The following NR2C1 variants were observed in gnomAD, a reference collection of about 807,000 sequenced individuals.
NR2C1 encodes the protein TR2 nuclear hormone receptor.
In NR2C1, 33 loss-of-function variants were observed where a neutral mutation model predicts 74.8. The observed-to-expected ratio is 0.44, with a 90% CI of 0.33 to 0.59. The LOEUF (loss-of-function observed/expected upper bound fraction) is 0.59. Among genes scored for constraint, NR2C1 ranks in the 20% least tolerant of loss-of-function variants. NR2C1 has a pLI of 0.02. For synonymous variants in NR2C1, 225 were observed against 240.6 expected (o/e 0.94, Z 0.60); for missense variants, 568 against 715.6 (o/e 0.79, Z 2.35).
At chr12:95,033,478 A>T (rs1870416677) in intron 10 of NR2C1, among the ~76,000 whole-genome samples, 1 of 152,222 alleles carries the variant, frequency 6.6e-6, no homozygotes, top group African/African-American at 2.4e-5. Flanking sequence ...ATAGTATCCC[A>T]GGGAGAACAA....
intron 7 of NR2C1, among the ~76,000 whole-genome samples, chr12:95,056,004 T>C (rs941044660): frequency 2.0e-5 from 3 of 147,028 alleles, no homozygotes; most frequent in East Asian, 2.0e-4. Context: ...GGGAGGCTCA[T>C]GCACATAACC....
At chr12:95,043,527 A>C (rs1168180943) in intron 9 of NR2C1, among the ~76,000 whole-genome samples, 1 of 151,896 alleles carries the variant, frequency 6.6e-6, no homozygotes, top group Non-Finnish European at 1.5e-5. Flanking sequence ...GTCTCTACTA[A>C]AAATACAAAA....
In NR2C1 at chr12:95,044,879, C is replaced by CA. The variant is rs950219380; in HGVS notation, c.1131+4188dup. Among the ~76,000 whole-genome samples the CA allele has an allele frequency of 3.9e-5, 6 of 151,976 alleles. No individual in the cohort carries two copies. The East Asian group carries it at 7.8e-4, about 20-fold the overall frequency. On this transcript the variant is annotated intron_variant, in intron 9 of 13. Transcript: ENST00000333003. ...CCTGGGCTATAGAGCCAGTCTGTCT[C>CA]AAAAAAACAAAAACAAAAACAAAAT...
Position 95,052,828 on chromosome 12 carries a change from A to G in NR2C1, c.784-885T>C, listed in dbSNP as rs114220327. On this transcript the variant is annotated intron_variant, in intron 7 of 13. Coordinates refer to ENST00000333003, the MANE Select transcript of NR2C1 (RefSeq NM_003297.4). ...TGAATTGTTGAACAGACTTCCTAGG[A>G]TGCCAACTTTTGCCAAACATTGTGT... 8.4e-3 allele frequency among the ~76,000 whole-genome samples: 1,275 copies of G among 152,298 alleles called. 24 individuals are homozygous for G. The highest frequency in any genetic ancestry group is 0.029 in the African/African-American group (1,220 of 41,552).
intron 11 of NR2C1, chr12:95,030,269 T>A (rs948403720): frequency 2.0e-5 from 5 of 256,170 alleles, no homozygotes; most frequent in Non-Finnish European, 2.8e-5. Flanking sequence ...ACTCAAATTT[T>A]GGTAATAGGA....
At chr12:95,060,994 T>C (rs890086192) in intron 3 of NR2C1, among the ~76,000 whole-genome samples, 1 of 152,210 alleles carries the variant, frequency 6.6e-6, no homozygotes, top group African/African-American at 2.4e-5. Flanking sequence ...CTGTTGCAAA[T>C]GGTGCTAATC....
At position 95,043,689 on chromosome 12, in the gene NR2C1, C is replaced by CCAAAAAAAAAAAAAA. The variant is rs575940640; in HGVS notation, c.1132-3093_1132-3092insTTTTTTTTTTTTTTG. On this transcript the variant is annotated intron_variant, in intron 9 of 13. Transcript: ENST00000333003. ...TGGGAGACAGAGCAAGACTCTGTCT[C>CCAAAAAAAAAAAAAA]AAAAAAAAAAAAAATCCTTTGCAAA... 3.0e-3 allele frequency among the ~76,000 whole-genome samples: 283 copies of CCAAAAAAAAAAAAAA among 94,180 alleles called. 6 individuals carry two copies. Among genetic ancestry groups the CCAAAAAAAAAAAAAA allele is most frequent in the African/African-American group, 0.01 (251 of 24,918 alleles). 61.8% of individuals were successfully genotyped at this position (94,180 alleles called of 152,430 possible).
At chr12:95,035,231 A>G (rs1047431083) in intron 10 of NR2C1, among the ~76,000 whole-genome samples, 1 of 152,216 alleles carries the variant, frequency 6.6e-6, no homozygotes, top group Non-Finnish European at 1.5e-5. Context: ...TCACAGAAAC[A>G]TTCTAGTAGG....
At chr12:95,035,392 G>A (rs1870693536) in intron 10 of NR2C1, among the ~76,000 whole-genome samples, 1 of 152,072 alleles carries the variant, frequency 6.6e-6, no homozygotes, top group Non-Finnish European at 1.5e-5. Flanking sequence ...TTTAACCTCT[G>A]ATTCTGAAGT....
intron 11 of NR2C1, 134 bp from the exon 12 acceptor site, chr12:95,028,658 C>T (rs1246443872): frequency 1.5e-6 from 1 of 647,360 alleles, no homozygotes; most frequent in East Asian, 2.9e-5. Flanking sequence ...GGGTTTTACT[C>T]CTGTCGCCCA....
chr12:95,039,006 G>A (rs940372966), intron 10 of NR2C1, among the ~76,000 whole-genome samples: 11 of 152,118 alleles, frequency 7.2e-5, no homozygotes, highest in Admixed American at 2.0e-4. Flanking sequence ...CATCCATATA[G>A]GAGGATTGCT....
chr12:95,022,252 G>C lies in NR2C1; in HGVS notation c.1789C>G (p.Gln597Glu). The C allele has an allele frequency of 6.2e-7, 1 of 1,610,950 alleles. No individual in the cohort carries two copies. ...TTTCAAATGCTGTGACCAATTATTTGAGAGTTATAATCTGCAGGCTCCATT... is the reference window on the plus strand; with the variant it reads ...TTTCAAATGCTGTGACCAATTATTTCAGAGTTATAATCTGCAGGCTCCATT... ...LKMEPADYNS[Q>E]IIGHSI Residue 597 changes from glutamine to glutamate, a missense_variant, in exon 14 of 14, where the codon CAA becomes GAA. Around this residue, in one of 6 missense-constraint regions of NR2C1, gnomAD observed 117 missense variants for 186.7 expected, o/e 0.63. Coordinates refer to ENST00000333003, the MANE Select transcript of NR2C1 (RefSeq NM_003297.4).
intron 11 of NR2C1, 123 bp downstream of exon 11, chr12:95,031,223 TAAG>T (rs1281522459): frequency 5.2e-6 from 4 of 769,034 alleles, no homozygotes; most frequent in African/African-American, 1.8e-5. Context: ...TTATCTAAAG[TAAG>T]AAGAGCATTG....
chr12:95,042,767 G>A (rs575701279), intron 9 of NR2C1, among the ~76,000 whole-genome samples: 1 of 152,142 alleles, frequency 6.6e-6, no homozygotes, highest in South Asian at 2.1e-4. Context: ...GTTTGAGAAA[G>A]GTTTACTACA....
chr12:95,059,570 T>A (rs978348255), intron 4 of NR2C1, among the ~76,000 whole-genome samples: 6 of 151,234 alleles, frequency 4.0e-5, no homozygotes, highest in Non-Finnish European at 8.8e-5. Flanking sequence ...AAATTAGCCA[T>A]GCGTGCTGGC....
chr12:95,036,512 CTTT>C (rs776220936), intron 10 of NR2C1, among the ~76,000 whole-genome samples: 6 of 140,024 alleles, frequency 4.3e-5, no homozygotes, highest in Admixed American at 1.4e-4. Context: ...TGTGGGTTTA[CTTT>C]TTTTTTTTTT....
chr12:95,021,894 T>C lies in NR2C1; in HGVS notation c.*335A>G, dbSNP rs1239380771. 6.1e-6 allele frequency: 1 copy of C among 165,090 alleles called. No individual in the cohort carries two copies. Among genetic ancestry groups the C allele is most frequent in the Non-Finnish European group, 1.3e-5 (1 of 77,094 alleles). The allele number at this position is 165,090 out of a possible 1,614,324, so 10.2% of individuals were successfully genotyped here. A position where few individuals can be genotyped will look rare whatever the true frequency, so the allele number is the denominator to read the frequency against. ...AAGTTAAATATGACTAGAACACAAT[T>C]CAGAAAAAAGAGACTAATTTATTTG... On this transcript the variant is annotated 3_prime_UTR_variant, in exon 14 of 14. Transcript: ENST00000333003.
intron 2 of NR2C1, among the ~76,000 whole-genome samples, chr12:95,066,590 TAG>T (rs1875742586): frequency 6.6e-6 from 1 of 152,206 alleles, no homozygotes; most frequent in Admixed American, 6.6e-5. Flanking sequence ...AGCAGCAATG[TAG>T]AGTCATAAAC....
chr12:95,071,853 A>C (rs537685006), intron 1 of NR2C1, among the ~76,000 whole-genome samples: 1 of 151,452 alleles, frequency 6.6e-6, no homozygotes, highest in Non-Finnish European at 1.5e-5. Context: ...GGTTCAAGCA[A>C]TTCTCCTGCC....
Sources: allele counts gnomAD v4.1 joint callset (sites outside exome capture counted in the v4.1 genomes callset), GRCh38; gene constraint gnomAD v4.1.1; regional missense constraint gnomAD v4.1.1; transcripts MANE v1.5; gene names NCBI Gene and HGNC (gene_info 2026-07-23, HGNC 2026-07-21).